The following NLK variants were observed in gnomAD, a reference collection of about 807,000 sequenced individuals.
The protein encoded by NLK is nemo like kinase.
In NLK, 11 loss-of-function variants were observed where a neutral mutation model predicts 59.0. The ratio of observed to expected loss-of-function variants is 0.19; its 90% CI spans 0.12 to 0.31. The LOEUF (loss-of-function observed/expected upper bound fraction) is 0.31, where lower values mean the gene tolerates loss of function less well. Among genes scored for constraint, NLK ranks in the 10% least tolerant of loss-of-function variants. The pLI is 1.00. For missense variants in NLK, 410 were observed against 661.1 expected (o/e 0.62, Z 4.16); for synonymous variants, 235 against 235.9 (o/e 1.00, Z 0.03).
chr17:28,051,274 C>A (rs1244673120), intron 1 of NLK, among the ~76,000 whole-genome samples: 2 of 150,662 alleles, frequency 1.3e-5, no homozygotes, highest in Non-Finnish European at 1.5e-5. Flanking sequence ...TCTTCCAAAT[C>A]TCATTTGTTT....
intron 3 of NLK, among the ~76,000 whole-genome samples, chr17:28,156,175 T>C (rs1368202553): frequency 6.6e-6 from 1 of 152,164 alleles, no homozygotes; most frequent in Non-Finnish European, 1.5e-5. Context: ...GAGCCAGTAG[T>C]ATATAAGTAT....
At chr17:28,132,096 C>T (rs539808022) in intron 2 of NLK, among the ~76,000 whole-genome samples, 3 of 152,264 alleles carry the variant, frequency 2.0e-5, no homozygotes, top group African/African-American at 7.2e-5. Context: ...TTTCTCTCTA[C>T]CCTTCTTTAC....
chr17:28,111,460 CCA>C (rs1905475333), intron 1 of NLK, among the ~76,000 whole-genome samples: 1 of 152,020 alleles, frequency 6.6e-6, no homozygotes, highest in Non-Finnish European at 1.5e-5. Context: ...CAGGCATGAG[CCA>C]TCATGCCTGT....
chr17:28,056,531 C>A (rs1195703846), intron 1 of NLK, among the ~76,000 whole-genome samples: 3 of 152,062 alleles, frequency 2.0e-5, no homozygotes, highest in African/African-American at 7.2e-5. Flanking sequence ...ATAAATGAAA[C>A]CAGGAACGTG....
intron 1 of NLK, among the ~76,000 whole-genome samples, chr17:28,108,554 G>C (rs558496343): frequency 6.6e-6 from 1 of 152,210 alleles, no homozygotes; most frequent in African/African-American, 2.4e-5. Flanking sequence ...AGTAAAGCAT[G>C]TTACTGTATT....
At chr17:28,045,812 T>C (rs1269273327) in intron 1 of NLK, among the ~76,000 whole-genome samples, 1 of 152,194 alleles carries the variant, frequency 6.6e-6, no homozygotes, top group Non-Finnish European at 1.5e-5. Flanking sequence ...TTTTTACTTT[T>C]TAACTGAAAC....
In NLK at chr17:28,185,274, T is replaced by A; in HGVS notation, c.1236+9T>A. 6.6e-7 allele frequency: 1 copy of A among 1,503,792 alleles called. No individual in the cohort carries two copies. The highest frequency in any genetic ancestry group is 9.0e-7 in the Non-Finnish European group (1 of 1,111,304). 93.2% of individuals were successfully genotyped at this position (1,503,792 alleles called of 1,614,324 possible). A position where few individuals can be genotyped will look rare whatever the true frequency, so the allele number is the denominator to read the frequency against. On this transcript the variant is annotated intron_variant, in intron 8 of 10. Coordinates refer to ENST00000407008, the MANE Select transcript of NLK (RefSeq NM_016231.5). ...TGTTGGTCTTTGATCCAGTAAGTAG[T>A]GTTTTTTTTTATATATTTTTAATGA...
At chr17:28,086,264 G>A (rs551070125) in intron 1 of NLK, among the ~76,000 whole-genome samples, 1 of 152,208 alleles carries the variant, frequency 6.6e-6, no homozygotes, top group East Asian at 1.9e-4. Flanking sequence ...AGAAAAACAG[G>A]TTACTAGTTT....
chr17:28,066,043 A>C (rs1365016017), intron 1 of NLK, among the ~76,000 whole-genome samples: 2 of 152,176 alleles, frequency 1.3e-5, no homozygotes, highest in Admixed American at 1.3e-4. Context: ...AAGTTATGTC[A>C]ACGTAGCTTT....
chr17:28,132,405 T>C (rs1883637372), intron 2 of NLK, among the ~76,000 whole-genome samples: 1 of 152,214 alleles, frequency 6.6e-6, no homozygotes, highest in South Asian at 2.1e-4. Context: ...TGTAACCCAA[T>C]TGCCTCTCTC....
At chr17:28,110,286 A>T (rs1314324099) in intron 1 of NLK, among the ~76,000 whole-genome samples, 1 of 152,092 alleles carries the variant, frequency 6.6e-6, no homozygotes, top group African/African-American at 2.4e-5. Context: ...TCTTAGTCTG[A>T]TATAGAATTT....
intron 8 of NLK, among the ~76,000 whole-genome samples, chr17:28,187,845 T>C (rs994847906): frequency 9.8e-5 from 15 of 152,326 alleles, no homozygotes; most frequent in African/African-American, 3.6e-4. Context: ...AAGATTTATC[T>C]GGTAAGGAAG....
chr17:28,066,954 A>C (rs1909845621), intron 1 of NLK, among the ~76,000 whole-genome samples: 1 of 152,124 alleles, frequency 6.6e-6, no homozygotes, highest in Non-Finnish European at 1.5e-5. Flanking sequence ...TGGCTTTCTT[A>C]ATAGTAGGTT....
At chr17:28,112,424 A>G (rs1179444511) in intron 1 of NLK, among the ~76,000 whole-genome samples, 1 of 152,064 alleles carries the variant, frequency 6.6e-6, no homozygotes, top group Admixed American at 6.5e-5. Context: ...AGGGTGTGGC[A>G]GGGGTGGGGT....
intron 1 of NLK, among the ~76,000 whole-genome samples, chr17:28,086,289 T>C (rs1910514177): frequency 6.6e-6 from 1 of 152,208 alleles, no homozygotes; most frequent in Non-Finnish European, 1.5e-5. Flanking sequence ...TTAATGATCC[T>C]TGCTGGAAAT....
Position 28,122,587 on chromosome 17 carries a change from A to C in NLK, c.459-16A>C. ...TCTGTCTTTTTTTTCCCCTTCCCCA[A>C]ATATTGCTTCTTTAGGTCAGTAACA... On this transcript the variant is annotated splice_polypyrimidine_tract_variant and intron_variant, in intron 1 of 10. Transcript: ENST00000407008. 3.1e-6 allele frequency: 5 copies of C among 1,612,536 alleles called. No homozygotes were observed. Among genetic ancestry groups the C allele is most frequent in the Non-Finnish European group, 4.2e-6 (5 of 1,179,290 alleles).
chr17:28,078,055 G>A lies in NLK; in HGVS notation c.458+34724G>A, dbSNP rs994513649. ...AATTCATAAAAAAAAAAGTGCTATCGATTGAAGCTTATAAATGCCTCTACT... is the reference window on the plus strand; with the variant it reads ...AATTCATAAAAAAAAAAGTGCTATCAATTGAAGCTTATAAATGCCTCTACT... On this transcript the variant is annotated intron_variant, in intron 1 of 10. Coordinates refer to ENST00000407008, the MANE Select transcript of NLK (RefSeq NM_016231.5). Among the ~76,000 whole-genome samples the A allele has an allele frequency of 2.0e-5, 3 of 151,896 alleles. No homozygotes were observed. In the South Asian group the frequency reaches 6.2e-4, roughly 32 times the overall value.
At chr17:28,178,165 G>A (rs1908758764) in intron 7 of NLK, among the ~76,000 whole-genome samples, 1 of 152,214 alleles carries the variant, frequency 6.6e-6, no homozygotes, top group African/African-American at 2.4e-5. Flanking sequence ...AAGGAAAAGA[G>A]GGTTGAGGGT....
chr17:28,151,768 C>A (rs1003750256), intron 3 of NLK, among the ~76,000 whole-genome samples: 16 of 152,230 alleles, frequency 1.1e-4, no homozygotes, highest in African/African-American at 3.9e-4. Context: ...TTTAAACTCT[C>A]CTTTCTTAAA....
Sources: gnomAD v4.1 joint callset for allele counts (sites outside exome capture counted in the v4.1 genomes callset) on GRCh38, gnomAD v4.1.1 for gene constraint, MANE v1.5 for transcripts, NCBI Gene and HGNC (gene_info 2026-07-23, HGNC 2026-07-21) for gene names.